The following SUGCT variants were observed in gnomAD, a reference collection of about 807,000 sequenced individuals.
SUGCT encodes the protein succinyl-CoA:glutarate CoA-transferase.
In SUGCT, 41 loss-of-function variants were observed where a neutral mutation model predicts 55.0. The ratio of observed to expected loss-of-function variants is 0.74; its 90% confidence interval spans 0.58 to 0.97. SUGCT has a LOEUF of 0.97. Ranked by LOEUF, SUGCT falls within the 50% of genes least tolerant of loss-of-function variation. SUGCT has a pLI of 0.00. For missense variants in SUGCT, 568 were observed against 547.8 expected (o/e 1.04, Z -0.37); for synonymous variants, 187 against 200.4 (o/e 0.93, Z 0.56).
At chr7:40,566,163 G>GCA (rs994577280) in intron 12 of SUGCT, among the ~76,000 whole-genome samples, 1 of 151,990 alleles carries the variant, frequency 6.6e-6, no homozygotes, top group African/African-American at 2.4e-5. Flanking sequence ...CTTCTCCCCA[G>GCA]CACATGACCA....
intron 13 of SUGCT, among the ~76,000 whole-genome samples, chr7:40,807,375 A>C (rs975921577): frequency 6.6e-6 from 1 of 152,150 alleles, no homozygotes; most frequent in East Asian, 1.9e-4. Context: ...CACAGGATAA[A>C]ACTGCAATAA....
At chr7:40,451,441 G>A (rs1789184735) in intron 10 of SUGCT, among the ~76,000 whole-genome samples, 1 of 152,134 alleles carries the variant, frequency 6.6e-6, no homozygotes, top group South Asian at 2.1e-4. Flanking sequence ...AGAAGTTTTA[G>A]TACTGAAATA....
At chr7:40,803,202 T>C (rs1366882661) in intron 13 of SUGCT, among the ~76,000 whole-genome samples, 1 of 152,204 alleles carries the variant, frequency 6.6e-6, no homozygotes, top group Admixed American at 6.5e-5. Context: ...CCTCTTGTCT[T>C]ATGCAATGTA....
the SUGCT span, among the ~76,000 whole-genome samples, chr7:40,912,509 A>G: frequency 2.6e-5 from 4 of 152,346 alleles, no homozygotes; most frequent in Admixed American, 6.5e-5. Context: ...TTAATATCAG[A>G]TAAACTAAAA....
At chr7:40,637,396 G>A (rs1210575042) in intron 12 of SUGCT, among the ~76,000 whole-genome samples, 1 of 152,198 alleles carries the variant, frequency 6.6e-6, no homozygotes, top group African/African-American at 2.4e-5. Flanking sequence ...CTTGCATCAA[G>A]GAGAGGTATG....
the SUGCT span, among the ~76,000 whole-genome samples, chr7:41,026,364 G>A: frequency 6.6e-6 from 1 of 152,266 alleles, no homozygotes; most frequent in Middle Eastern, 3.4e-3. Context: ...ACTCCTGCAG[G>A]CATCTAGTTT....
the SUGCT span, among the ~76,000 whole-genome samples, chr7:40,901,766 T>C: frequency 6.6e-6 from 1 of 152,224 alleles, no homozygotes; most frequent in African/African-American, 2.4e-5. Flanking sequence ...GGGGGATAAA[T>C]TGAATTACGG....
chr7:40,501,627 T>G (rs1176553661), intron 12 of SUGCT, among the ~76,000 whole-genome samples: 1 of 152,122 alleles, frequency 6.6e-6, no homozygotes, highest in African/African-American at 2.4e-5. Flanking sequence ...CATCCCTTCC[T>G]TCATTCAATC....
chr7:40,505,124 A>G (rs2151538416), intron 12 of SUGCT, among the ~76,000 whole-genome samples: 1 of 152,226 alleles, frequency 6.6e-6, no homozygotes, highest in African/African-American at 2.4e-5. Context: ...GGTATCTCTA[A>G]TTCTAGTAAC....
chr7:40,537,195 G>A (rs1465543669), intron 12 of SUGCT, among the ~76,000 whole-genome samples: 1 of 152,146 alleles, frequency 6.6e-6, no homozygotes, highest in Non-Finnish European at 1.5e-5. Flanking sequence ...TTGTACACCT[G>A]TAAGCCTGTG....
intron 12 of SUGCT, among the ~76,000 whole-genome samples, chr7:40,531,680 T>G (rs919254247): frequency 1.3e-5 from 2 of 151,844 alleles, no homozygotes; most frequent in Non-Finnish European, 2.9e-5. Flanking sequence ...TTTTTTATTT[T>G]TTTATTTTTT....
chr7:40,697,654 G>T (rs1167530550), intron 12 of SUGCT, among the ~76,000 whole-genome samples: 1 of 152,084 alleles, frequency 6.6e-6, no homozygotes, highest in Non-Finnish European at 1.5e-5. Context: ...GTTGATGGCT[G>T]AATGAATAAA....
intron 7 of SUGCT, among the ~76,000 whole-genome samples, chr7:40,262,495 C>CAAAAAAAAA (rs67739412): frequency 8.2e-6 from 1 of 122,038 alleles, no homozygotes; most frequent in Non-Finnish European, 1.6e-5. Flanking sequence ...ACCGAAAATA[C>CAAAAAAAAA]AAAAAAAAAA....
chr7:40,678,248 T>C (rs1562941304), intron 12 of SUGCT, among the ~76,000 whole-genome samples: 4 of 152,176 alleles, frequency 2.6e-5, no homozygotes, highest in African/African-American at 4.8e-5. Context: ...CTGGCTACCA[T>C]AGCAGCAAAG....
At chr7:40,288,772 A>G (rs921895380) in intron 8 of SUGCT, among the ~76,000 whole-genome samples, 3 of 152,120 alleles carry the variant, frequency 2.0e-5, no homozygotes, top group Non-Finnish European at 4.4e-5. Context: ...TAAAATTTGT[A>G]TAAAATTAAT....
At chr7:40,575,125 T>TG (rs1491375845) in intron 12 of SUGCT, among the ~76,000 whole-genome samples, 6 of 137,034 alleles carry the variant, frequency 4.4e-5, no homozygotes, top group African/African-American at 1.9e-4. Context: ...GTGGCGGGGG[T>TG]GGGGGTGGAG....
intron 8 of SUGCT, among the ~76,000 whole-genome samples, chr7:40,296,448 A>G (rs16880176): frequency 0.012 from 1,832 of 152,192 alleles, 32 homozygotes; most frequent in African/African-American, 0.042. Flanking sequence ...TTCTTTTCTA[A>G]TGTTTGTAAT....
At chr7:40,598,793 G>A (rs1251402979) in intron 12 of SUGCT, among the ~76,000 whole-genome samples, 1 of 152,208 alleles carries the variant, frequency 6.6e-6, no homozygotes, top group Admixed American at 6.5e-5. Context: ...CCCAGACACA[G>A]GATCTGTGTA....
intron 8 of SUGCT, among the ~76,000 whole-genome samples, chr7:40,295,573 C>T (rs1440284106): frequency 6.9e-6 from 1 of 144,454 alleles, no homozygotes; most frequent in South Asian, 2.2e-4. Flanking sequence ...AAGACTCTGT[C>T]TCCAAAAATA....
Sources: allele counts gnomAD v4.1 joint callset (sites outside exome capture counted in the v4.1 genomes callset), GRCh38; gene constraint gnomAD v4.1.1; transcripts MANE v1.5; gene names NCBI Gene and HGNC (gene_info 2026-07-23, HGNC 2026-07-21).